The following ZNF618 variants were observed in gnomAD, a reference collection of about 807,000 sequenced individuals.
ZNF618 encodes neural precursor cell expressed, developmentally down-regulated 10.
Under a neutral mutation model 103.0 loss-of-function variants are expected in ZNF618, and 34 were observed. That is an observed-to-expected ratio of 0.33 (90% confidence interval 0.25 to 0.44). The LOEUF (loss-of-function observed/expected upper bound fraction) is 0.44. Ranked by LOEUF, ZNF618 falls within the 20% of genes least tolerant of loss-of-function variation. The pLI is 1.00. For synonymous variants in ZNF618, 551 were observed against 542.2 expected (o/e 1.02, Z -0.23); for missense variants, 1,059 against 1,295.4 (o/e 0.82, Z 2.80).
At chr9:113,928,877 A>T (rs1833328517) in intron 1 of ZNF618, among the ~76,000 whole-genome samples, 1 of 152,210 alleles carries the variant, frequency 6.6e-6, no homozygotes, top group Admixed American at 6.5e-5. Context: ...GAAAAATTTC[A>T]TAGCCTTTTC....
chr9:114,044,792 GTTTGTTTTTTTGTT>G (rs1363588682), intron 13 of ZNF618, among the ~76,000 whole-genome samples: 3 of 151,418 alleles, frequency 2.0e-5, no homozygotes, highest in African/African-American at 7.3e-5. Context: ...TGTTTTTTTT[GTTTGTTTTTTTGTT>G]TTTGTTTTTT....
chr9:113,978,055 G>A (rs1322430362), intron 2 of ZNF618, among the ~76,000 whole-genome samples: 1 of 152,178 alleles, frequency 6.6e-6, no homozygotes, highest in African/African-American at 2.4e-5. Flanking sequence ...ACTGTTAAGA[G>A]TTGTTTAATA....
chr9:113,939,290 T>A (rs1213271542), intron 1 of ZNF618, among the ~76,000 whole-genome samples: 1 of 151,638 alleles, frequency 6.6e-6, no homozygotes, highest in African/African-American at 2.4e-5. Flanking sequence ...GTTTGTTGTT[T>A]GTTTGTTGTT....
At chr9:113,886,176 C>T (rs887215466) in intron 1 of ZNF618, among the ~76,000 whole-genome samples, 1 of 152,176 alleles carries the variant, frequency 6.6e-6, no homozygotes, top group Non-Finnish European at 1.5e-5. Context: ...GCTGGTAGCA[C>T]TCAAAGTCAA....
intron 1 of ZNF618, among the ~76,000 whole-genome samples, chr9:113,881,761 C>A (rs973236770): frequency 2.0e-5 from 3 of 152,204 alleles, no homozygotes; most frequent in African/African-American, 7.2e-5. Context: ...ATCTCACATG[C>A]TCTGAGGCAT....
At chr9:114,010,909 T>C (rs1842180889) in intron 9 of ZNF618, among the ~76,000 whole-genome samples, 1 of 152,196 alleles carries the variant, frequency 6.6e-6, no homozygotes, top group East Asian at 1.9e-4. Flanking sequence ...GTTTGAATGC[T>C]GTTGTCACCA....
At chr9:113,905,548 AC>A (rs1484052548) in intron 1 of ZNF618, among the ~76,000 whole-genome samples, 1 of 152,204 alleles carries the variant, frequency 6.6e-6, no homozygotes, top group African/African-American at 2.4e-5. Context: ...TTATTTTGTG[AC>A]CCTTTATAGA....
At chr9:113,913,257 T>A (rs1011585395) in intron 1 of ZNF618, among the ~76,000 whole-genome samples, 1 of 152,190 alleles carries the variant, frequency 6.6e-6, no homozygotes, top group Admixed American at 6.5e-5. Context: ...ATACTGAGGC[T>A]CACAGGGTTG....
intron 11 of ZNF618, among the ~76,000 whole-genome samples, chr9:114,032,126 G>T (rs1176361713): frequency 1.3e-5 from 2 of 152,186 alleles, no homozygotes; most frequent in African/African-American, 4.8e-5. Flanking sequence ...GGGGGTGTGG[G>T]GCTACCCCTG....
At chr9:114,043,239 A>G (rs563480057) in intron 13 of ZNF618, among the ~76,000 whole-genome samples, 1 of 152,234 alleles carries the variant, frequency 6.6e-6, no homozygotes, top group Non-Finnish European at 1.5e-5. Context: ...TCTTTTGGGT[A>G]TATACCTGGA....
chr9:113,904,398 G>A (rs183687153), intron 1 of ZNF618, among the ~76,000 whole-genome samples: 2 of 151,544 alleles, frequency 1.3e-5, no homozygotes, highest in African/African-American at 2.4e-5. Context: ...TGTCATTTTT[G>A]TATCTCTTCC....
chr9:113,932,027 A>G (rs1833633584), intron 1 of ZNF618, among the ~76,000 whole-genome samples: 1 of 152,184 alleles, frequency 6.6e-6, no homozygotes, highest in East Asian at 1.9e-4. Context: ...TGTTGTGGGC[A>G]TTGGGAATAT....
intron 2 of ZNF618, among the ~76,000 whole-genome samples, chr9:113,973,308 C>T (rs182871662): frequency 6.6e-6 from 1 of 152,300 alleles, no homozygotes; most frequent in East Asian, 1.9e-4. Context: ...ACGTGGGCTT[C>T]TACCCCCAGC....
intron 1 of ZNF618, among the ~76,000 whole-genome samples, chr9:113,898,261 C>G (rs1029969363): frequency 3.9e-5 from 6 of 152,128 alleles, no homozygotes; most frequent in African/African-American, 1.4e-4. Flanking sequence ...TGTTTCTTCT[C>G]TCAATCTTGA....
chr9:114,002,977 T>C (rs558203739), intron 6 of ZNF618, among the ~76,000 whole-genome samples: 4 of 152,364 alleles, frequency 2.6e-5, no homozygotes, highest in African/African-American at 9.6e-5. Context: ...CTTGTGGACA[T>C]TTCCAGCCCT....
chr9:113,959,110 T>C (rs1361686192), intron 1 of ZNF618, among the ~76,000 whole-genome samples: 1 of 152,078 alleles, frequency 6.6e-6, no homozygotes, highest in Non-Finnish European at 1.5e-5. Flanking sequence ...ACCAACATGG[T>C]GAAACCTCGT....
chr9:113,947,104 C>T (rs1170433539), intron 1 of ZNF618, among the ~76,000 whole-genome samples: 1 of 152,142 alleles, frequency 6.6e-6, no homozygotes, highest in Non-Finnish European at 1.5e-5. Flanking sequence ...GCTTGCGGAG[C>T]CTGCTGCAGA....
chr9:113,939,099 G>A (rs2132020948), intron 1 of ZNF618, among the ~76,000 whole-genome samples: 1 of 140,162 alleles, frequency 7.1e-6, no homozygotes, highest in South Asian at 2.3e-4. Context: ...AACTTGGGTA[G>A]CTAGCATCAC....
intron 1 of ZNF618, among the ~76,000 whole-genome samples, chr9:113,891,103 T>C (rs956111063): frequency 6.6e-6 from 1 of 152,206 alleles, no homozygotes; most frequent in African/African-American, 2.4e-5. Context: ...ATGTTTACTT[T>C]TTAAAAATAT....
Sources: allele counts gnomAD v4.1 joint callset (sites outside exome capture counted in the v4.1 genomes callset), GRCh38; gene constraint gnomAD v4.1.1; transcripts MANE v1.5; gene names NCBI Gene and HGNC (gene_info 2026-07-23, HGNC 2026-07-21).